MRPS35: variants seen among roughly 807,000 people sequenced by gnomAD.
MRPS35 encodes the protein small ribosomal subunit protein mS35.
Under a neutral mutation model 32.7 loss-of-function variants are expected in MRPS35, and 29 were observed. That is an observed-to-expected ratio of 0.89 (90% CI 0.66 to 1.21). MRPS35 has a LOEUF of 1.21. Ranked by LOEUF, MRPS35 falls within the 50% of genes most tolerant of loss-of-function variation. MRPS35 has a pLI of 0.00. For synonymous variants in MRPS35, 148 were observed against 139.3 expected (o/e 1.06, Z -0.44); for missense variants, 373 against 383.8 (o/e 0.97, Z 0.23).
At chr12:27,714,302 C>T (rs972409172) in intron 1 of MRPS35, among the ~76,000 whole-genome samples, 1 of 151,866 alleles carries the variant, frequency 6.6e-6, no homozygotes, top group African/African-American at 2.4e-5. Flanking sequence ...ATTTTCCTTA[C>T]TGGGGCTAGG....
At position 27,755,511 on chromosome 12, in the gene MRPS35, A is replaced by T. The variant is rs2062023061; in HGVS notation, c.*61A>T. ...TTTATGATATATGTGATCAGTATCT[A>T]ATTTGATATAAAATTGAAAATGTTA... On this transcript the variant is annotated 3_prime_UTR_variant, in exon 8 of 8. Coordinates refer to ENST00000081029, the MANE Select transcript of MRPS35 (RefSeq NM_021821.4). The T allele has an allele frequency of 7.4e-7, 1 of 1,359,492 alleles. No homozygotes were observed. The highest frequency in any genetic ancestry group is 2.5e-5 in the East Asian group (1 of 39,476). 84.2% of individuals were successfully genotyped at this position (1,359,492 alleles called of 1,614,324 possible).
At chr12:27,716,238 G>T in intron 2 of MRPS35, 53 bp from the exon 3 acceptor site, 1 of 1,389,460 alleles carries the variant, frequency 7.2e-7, no homozygotes, top group Non-Finnish European at 9.6e-7. Context: ...AATTCTTTAA[G>T]AATTAAAGAA....
At chr12:27,734,145 A>T (rs534332421) in intron 5 of MRPS35, among the ~76,000 whole-genome samples, 1 of 152,246 alleles carries the variant, frequency 6.6e-6, no homozygotes, top group East Asian at 1.9e-4. Context: ...TTCTTGATAT[A>T]GTTACAGCTC....
chr12:27,755,384 G>A lies in MRPS35; in HGVS notation c.906G>A (p.Glu302=), dbSNP rs766435837. Residue 302 remains glutamate, a synonymous_variant, in exon 8 of 8, where the codon GAG becomes GAA. Coordinates refer to ENST00000081029, the MANE Select transcript of MRPS35 (RefSeq NM_021821.4). ...AGTCTGTTGTTAGTCTTAAAAATGA[G>A]GAGGAAAATGAAAATTCCATTTCTC... ...YKKSVVSLKN[E]EENENSISQY... is the part of the protein sequence containing the mutation. 2 of 1,600,452 alleles carry A rather than the reference G, an allele frequency of 1.2e-6. No individual in the cohort carries two copies. The highest frequency in any genetic ancestry group is 1.7e-6 in the Non-Finnish European group (2 of 1,176,926).
rs144016717 is a variant in MRPS35, at chr12:27,737,428, A to T, written c.633-111A>T. 314 of 744,464 alleles carry T rather than the reference A, an allele frequency of 4.2e-4. 1 individual carries two copies. The African/African-American group carries it at 5.1e-3, about 12-fold the overall frequency. 46.1% of individuals were successfully genotyped at this position (744,464 alleles called of 1,614,324 possible). A position where few individuals can be genotyped will look rare whatever the true frequency, so the allele number is the denominator to read the frequency against. Reference sequence around the variant, plus strand: ...CAAAAACAGTTTTCCTAAAGCAGAAAAGGAATACCTGAAAACATTATCTTC... The same window carrying T: ...CAAAAACAGTTTTCCTAAAGCAGAATAGGAATACCTGAAAACATTATCTTC... On this transcript the variant is annotated intron_variant, in intron 6 of 7. Coordinates refer to ENST00000081029, the MANE Select transcript of MRPS35 (RefSeq NM_021821.4).
Position 27,714,892 on chromosome 12 carries a change from G to A in MRPS35, c.153+72G>A, listed in dbSNP as rs546397446. The A allele has an allele frequency of 8.3e-6, 11 of 1,330,810 alleles. 1 individual carries two copies. Among genetic ancestry groups the A allele is most frequent in the Middle Eastern group, 1.8e-4 (1 of 5,442 alleles). 82.4% of individuals were successfully genotyped at this position (1,330,810 alleles called of 1,614,324 possible). On this transcript the variant is annotated intron_variant, in intron 2 of 7. Coordinates refer to ENST00000081029, the MANE Select transcript of MRPS35 (RefSeq NM_021821.4). The stretch of plus-strand genomic sequence containing the variant: ...AAAATGAGGCAGATATTCATTATAA[G>A]GCAGAAGGGTGTTACCAGAGAAGAC...
chr12:27,732,522 T>G (rs966525641), intron 5 of MRPS35, among the ~76,000 whole-genome samples: 3 of 152,296 alleles, frequency 2.0e-5, no homozygotes, highest in Admixed American at 1.3e-4. Flanking sequence ...GGATGTGCCA[T>G]GTAGTTCAAG....
chr12:27,716,494 C>T, intron 3 of MRPS35, 36 bp downstream of exon 3: 2 of 1,608,202 alleles, frequency 1.2e-6, no homozygotes, highest in Non-Finnish European at 1.7e-6. Flanking sequence ...CTCAGACTTA[C>T]ATAGAAATAA....
intron 5 of MRPS35, among the ~76,000 whole-genome samples, chr12:27,729,735 T>C (rs2061914164): frequency 1.3e-5 from 2 of 152,158 alleles, no homozygotes; most frequent in Admixed American, 6.5e-5. Context: ...TACTGCTGAT[T>C]TGCTGTGCTA....
At chr12:27,730,640 AGGTTTTGCCATGTTGCCAGGG>A (rs1212043208) in intron 5 of MRPS35, among the ~76,000 whole-genome samples, 1 of 151,854 alleles carries the variant, frequency 6.6e-6, no homozygotes, top group Non-Finnish European at 1.5e-5. Context: ...TGTAGAGATG[AGGTTTTGCCATGTTGCCAGGG>A]GGTTTTGCCA....
Position 27,737,599 on chromosome 12 carries a change from T to C in MRPS35, c.693T>C (p.His231=), listed in dbSNP as rs1218119695. ...TGTATCTACTAACAGTGTTATACCA[T>C]GAGTCTTGGGTAAGTGTGTGTGAAT... ...YAVYLLTVLY[H]ESWNTEEWEK... is the part of the protein sequence containing the mutation. Residue 231 remains histidine (H), a synonymous_variant, in exon 7 of 8, where the codon CAT becomes CAC. Transcript: ENST00000081029. 1 of 1,607,622 alleles carries C rather than the reference T, an allele frequency of 6.2e-7. No homozygotes were observed.
chr12:27,714,634 CAAAAAAA>C (rs531429538), intron 1 of MRPS35, 139 bp from the exon 2 acceptor site: 1 of 328,758 alleles, frequency 3.0e-6, no homozygotes, highest in Non-Finnish European at 4.9e-6. Flanking sequence ...CTGAGCTTAC[CAAAAAAA>C]AAAAAAAAAA....
chr12:27,712,981 C>T (rs902945253), intron 1 of MRPS35, among the ~76,000 whole-genome samples: 1 of 152,176 alleles, frequency 6.6e-6, no homozygotes, highest in African/African-American at 2.4e-5. Context: ...GCACCACTGC[C>T]CTCCGGCCTG....
At chr12:27,748,057 G>T (rs1046152260) in intron 7 of MRPS35, among the ~76,000 whole-genome samples, 1 of 152,184 alleles carries the variant, frequency 6.6e-6, no homozygotes, top group African/African-American at 2.4e-5. Flanking sequence ...TTAGAATAGT[G>T]CCTGGCATGT....
At chr12:27,748,789 G>A (rs774364525) in intron 7 of MRPS35, among the ~76,000 whole-genome samples, 1 of 152,052 alleles carries the variant, frequency 6.6e-6, no homozygotes, top group Admixed American at 6.5e-5. Context: ...TCCCACCTTA[G>A]CCTTCTGGCT....
chr12:27,735,755 C>T (rs2061941074), intron 6 of MRPS35, among the ~76,000 whole-genome samples, 199 bp downstream of exon 6: 1 of 152,162 alleles, frequency 6.6e-6, no homozygotes, highest in South Asian at 2.1e-4. Flanking sequence ...CAGCGGCATG[C>T]TTAGCTAATT....
In MRPS35 at chr12:27,735,303, C is replaced by T. The variant is rs567540579; in HGVS notation, c.523-144C>T. ...AGTAAGATCAGGGTTTATAATATGTCCCAACTGCTTGCTCTGTATAGAAAG... is the reference window on the plus strand; with the variant it reads ...AGTAAGATCAGGGTTTATAATATGTTCCAACTGCTTGCTCTGTATAGAAAG... On this transcript the variant is annotated intron_variant, in intron 5 of 7. Transcript: ENST00000081029. 1.6e-5 allele frequency: 9 copies of T among 567,348 alleles called. No homozygotes were observed. The African/African-American group carries it at 1.8e-4, about 11-fold the overall frequency. The allele number at this position is 567,348 out of a possible 1,614,324, so 35.1% of individuals were successfully genotyped here.
rs139888130 is a variant in MRPS35, at chr12:27,721,717, A to G, written c.382+1849A>G. Among the ~76,000 whole-genome samples the G allele has an allele frequency of 1.6e-4, 24 of 152,348 alleles. No individual in the cohort carries two copies. The East Asian group carries it at 3.7e-3, about 23-fold the overall frequency. On this transcript the variant is annotated intron_variant, in intron 4 of 7. Transcript: ENST00000081029. ...TTGTCCCGTTTGCCACAAATCATGT[A>G]TTAGTATTTGATCATCTGTAAAGAC...
chr12:27,739,818 G>A (rs1253114707), intron 7 of MRPS35, among the ~76,000 whole-genome samples: 2 of 152,168 alleles, frequency 1.3e-5, no homozygotes, highest in Non-Finnish European at 2.9e-5. Flanking sequence ...GGAAATGATA[G>A]GCATAAATTC....
Sources: allele counts gnomAD v4.1 joint callset (sites outside exome capture counted in the v4.1 genomes callset), GRCh38; gene constraint gnomAD v4.1.1; transcripts MANE v1.5; gene names NCBI Gene and HGNC (gene_info 2026-07-23, HGNC 2026-07-21).